SCFD1: variants seen among roughly 807,000 people sequenced by gnomAD.
The protein encoded by SCFD1 is sec1 family domain containing 1.
Under a neutral mutation model 103.2 loss-of-function variants are expected in SCFD1, and 37 were observed. The observed-to-expected ratio is 0.36, with a 90% CI of 0.28 to 0.47. The LOEUF (loss-of-function observed/expected upper bound fraction) is 0.47. Ranked by LOEUF, SCFD1 falls within the 20% of genes least tolerant of loss-of-function variation. SCFD1 has a pLI of 1.00. For synonymous variants in SCFD1, 264 were observed against 245.0 expected (o/e 1.08, Z -0.73); for missense variants, 639 against 761.2 (o/e 0.84, Z 1.89).
intron 14 of SCFD1, among the ~76,000 whole-genome samples, chr14:30,693,720 T>C (rs1890482839): frequency 6.6e-6 from 1 of 152,262 alleles, no homozygotes; most frequent in East Asian, 1.9e-4. Flanking sequence ...TCTACGTTGG[T>C]ATTACTATAA....
intron 14 of SCFD1, among the ~76,000 whole-genome samples, chr14:30,684,803 C>CTTTTTTTTTTTT (rs780577178): frequency 3.6e-5 from 2 of 54,870 alleles, no homozygotes; most frequent in African/African-American, 9.4e-5. Flanking sequence ...GCAATTGTTT[C>CTTTTTTTTTTTT]TTTTTTTTTT....
chr14:30,653,707 T>G, intron 10 of SCFD1, 119 bp downstream of exon 10: 1 of 629,528 alleles, frequency 1.6e-6, no homozygotes, highest in Non-Finnish European at 2.7e-6. Context: ...CTGAGACCTA[T>G]GAACAAAACA....
Position 30,694,785 on chromosome 14 carries a change from G to C in SCFD1, c.1255G>C (p.Asp419His). 7.0e-6 allele frequency: 11 copies of C among 1,578,492 alleles called. No homozygotes were observed. Among genetic ancestry groups the C allele is most frequent in the Non-Finnish European group, 9.4e-6 (11 of 1,169,354 alleles). Reference sequence around the variant, plus strand: ...TATTTTGAAACAGGCAAGAAAATTGGATGTATATTTTGAATATGAAGAAAA... The same window carrying C: ...TATTTTGAAACAGGCAAGAAAATTGCATGTATATTTTGAATATGAAGAAAA... ...VLEHIKARKL[D>H]VYFEYEEKIM... Residue 419 changes from aspartate to histidine, a missense_variant, in exon 15 of 25, where the codon GAT (aspartate) becomes CAT (histidine). Coordinates refer to ENST00000458591, the MANE Select transcript of SCFD1 (RefSeq NM_016106.4).
At chr14:30,668,892 C>T (rs1037564824) in intron 10 of SCFD1, among the ~76,000 whole-genome samples, 1 of 152,154 alleles carries the variant, frequency 6.6e-6, no homozygotes, top group Non-Finnish European at 1.5e-5. Flanking sequence ...AGTAAAAATT[C>T]AGGAAACAAC....
At chr14:30,624,507 T>A (rs1883186428) in intron 1 of SCFD1, among the ~76,000 whole-genome samples, 1 of 152,242 alleles carries the variant, frequency 6.6e-6, no homozygotes, top group Non-Finnish European at 1.5e-5. Context: ...TCATGTCTCA[T>A]GTAAGATCTT....
At chr14:30,695,372 A>G (rs1379611650) in intron 15 of SCFD1, among the ~76,000 whole-genome samples, 1 of 152,202 alleles carries the variant, frequency 6.6e-6, no homozygotes, top group Non-Finnish European at 1.5e-5. Flanking sequence ...CTTAGAAAAT[A>G]TGATCTATGG....
intron 14 of SCFD1, among the ~76,000 whole-genome samples, chr14:30,684,806 T>TC (rs1227880052): frequency 7.1e-6 from 1 of 140,964 alleles, no homozygotes; most frequent in African/African-American, 2.7e-5. Flanking sequence ...ATTGTTTCTT[T>TC]TTTTTTTTTT....
chr14:30,734,494 TG>T (rs1172950891), intron 23 of SCFD1: 1 of 350,540 alleles, frequency 2.9e-6, no homozygotes, highest in Non-Finnish European at 5.4e-6. Context: ...TATAGGTAAC[TG>T]TTGCTCCTGT....
intron 10 of SCFD1, among the ~76,000 whole-genome samples, chr14:30,663,912 G>A (rs183134752): frequency 2.0e-5 from 3 of 152,248 alleles, no homozygotes; most frequent in African/African-American, 4.8e-5. Flanking sequence ...CTTAATATAA[G>A]GTGCTAAGAA....
chr14:30,647,563 T>C (rs1594601600), intron 7 of SCFD1, among the ~76,000 whole-genome samples: 1 of 152,320 alleles, frequency 6.6e-6, no homozygotes, highest in South Asian at 2.1e-4. Context: ...TTCTGCCTGC[T>C]TTGAACTGCT....
intron 1 of SCFD1, among the ~76,000 whole-genome samples, chr14:30,623,049 A>C (rs1883019992): frequency 6.6e-6 from 1 of 152,222 alleles, no homozygotes; most frequent in South Asian, 2.1e-4. Flanking sequence ...GAAATGTAAA[A>C]AGGCACATAT....
chr14:30,695,305 T>C (rs1031887256), intron 15 of SCFD1, among the ~76,000 whole-genome samples: 8 of 152,234 alleles, frequency 5.3e-5, no homozygotes, highest in African/African-American at 1.9e-4. Context: ...AGGAACTCTA[T>C]GGCCAATCAC....
intron 7 of SCFD1, among the ~76,000 whole-genome samples, chr14:30,644,902 C>T (rs116380019): frequency 6.6e-6 from 1 of 152,124 alleles, no homozygotes; most frequent in African/African-American, 2.4e-5. Context: ...AGCATGAAAT[C>T]TTTGCCAAGG....
chr14:30,677,519 G>A (rs1889121981), intron 14 of SCFD1, among the ~76,000 whole-genome samples: 1 of 151,908 alleles, frequency 6.6e-6, no homozygotes, highest in Non-Finnish European at 1.5e-5. Flanking sequence ...TTATATCCTA[G>A]ATAAAGAAGC....
chr14:30,625,364 C>G (rs1280979988), intron 1 of SCFD1, among the ~76,000 whole-genome samples: 1 of 152,092 alleles, frequency 6.6e-6, no homozygotes, highest in Non-Finnish European at 1.5e-5. Context: ...TTGAGCATCC[C>G]AAATTTCAAA....
chr14:30,622,280 G>C (rs896867097), upstream of SCFD1: 4 of 1,588,432 alleles, frequency 2.5e-6, no homozygotes, highest in African/African-American at 5.4e-5. Context: ...GGCGGTAAGG[G>C]CAGCCACGTC....
intron 14 of SCFD1, among the ~76,000 whole-genome samples, chr14:30,680,108 T>A (rs1284779697): frequency 6.6e-6 from 1 of 152,208 alleles, no homozygotes; most frequent in Non-Finnish European, 1.5e-5. Flanking sequence ...TCAAAAAAAA[T>A]ATGTATGAAA....
At chr14:30,643,683 C>G (rs538754568) in intron 7 of SCFD1, among the ~76,000 whole-genome samples, 68 of 152,188 alleles carry the variant, frequency 4.5e-4, no homozygotes, top group African/African-American at 1.6e-3. Flanking sequence ...GGTGACTTCA[C>G]CTATGTGCCT....
At chr14:30,631,531 A>G (rs1343281168) in intron 3 of SCFD1, among the ~76,000 whole-genome samples, 1 of 152,210 alleles carries the variant, frequency 6.6e-6, no homozygotes, top group Non-Finnish European at 1.5e-5. Flanking sequence ...CCTAAGTTGA[A>G]CCATTGTAAG....
Sources: gnomAD v4.1 joint callset for allele counts (sites outside exome capture counted in the v4.1 genomes callset) on GRCh38, gnomAD v4.1.1 for gene constraint, MANE v1.5 for transcripts, NCBI Gene and HGNC (gene_info 2026-07-23, HGNC 2026-07-21) for gene names.